PROM2: variants seen among roughly 807,000 people sequenced by gnomAD.
The protein encoded by PROM2 is prominin 2, also known as prominin-2.
Under a neutral mutation model 110.2 loss-of-function variants are expected in PROM2, and 90 were observed. The observed-to-expected ratio is 0.82, with a 90% CI of 0.69 to 0.97. The LOEUF (loss-of-function observed/expected upper bound fraction) is 0.97. PROM2 is among the 50% of genes least tolerant of loss of function. The pLI, the probability that PROM2 is intolerant of heterozygous loss-of-function variation, is 0.00. For synonymous variants in PROM2, 470 were observed against 467.8 expected, an observed-to-expected ratio of 1.00 and a Z score of -0.06; for missense variants, 1,009 against 1,074.8, an observed-to-expected ratio of 0.94 and a Z score of 0.86.
intron 14 of PROM2, 28 bp downstream of exon 14, chr2:95,282,254 G>A (rs1290874993): frequency 1.9e-6 from 3 of 1,574,398 alleles, no homozygotes; most frequent in African/African-American, 2.7e-5. Context: ...AAACTGTGAG[G>A]AGCCCTCCTC....
At chr2:95,279,250 C>T in intron 10 of PROM2, 106 bp downstream of exon 10, 1 of 858,234 alleles carries the variant, frequency 1.2e-6, no homozygotes. Context: ...CAGCCCCTGA[C>T]TGTACTGAGC....
At chr2:95,284,324 C>T (rs1244098613) in intron 14 of PROM2, among the ~76,000 whole-genome samples, 1 of 152,030 alleles carries the variant, frequency 6.6e-6, no homozygotes, top group Non-Finnish European at 1.5e-5. Context: ...GGGAGACCCT[C>T]CTCTACAATT....
Position 95,276,221 on chromosome 2 carries a change from C to T in PROM2, c.498-6C>T, listed in dbSNP as rs201100006. 1.1e-5 allele frequency: 17 copies of T among 1,613,966 alleles called. No homozygotes were observed. The highest frequency in any genetic ancestry group is 1.4e-5 in the Non-Finnish European group (17 of 1,180,014). Reference sequence around the variant, plus strand: ...AAGCACCTTCCTCCTCCCTCCATTCCCACAGGATTGGTGTGGTCTGTGCCT... The same window carrying T: ...AAGCACCTTCCTCCTCCCTCCATTCTCACAGGATTGGTGTGGTCTGTGCCT... On this transcript the variant is annotated splice_region_variant and splice_polypyrimidine_tract_variant and intron_variant, in intron 3 of 23. Transcript: ENST00000317620. The surrounding 1 kb of genome is among the most constrained non-coding windows in gnomAD (Gnocchi z 4.6).
At chr2:95,286,320 G>GC (rs1355948663) in intron 16 of PROM2, among the ~76,000 whole-genome samples, 159 bp from the exon 17 acceptor site, 2 of 152,016 alleles carry the variant, frequency 1.3e-5, no homozygotes, top group Non-Finnish European at 1.5e-5. Context: ...TTGGATCTAG[G>GC]CCCCCCAAAC....
At chr2:95,286,430 G>A (rs1398017812) in intron 16 of PROM2, 49 bp from the exon 17 acceptor site, 1 of 1,527,794 alleles carries the variant, frequency 6.5e-7, no homozygotes, top group South Asian at 1.1e-5. Flanking sequence ...GCTGGGTGAC[G>A]GGTAGATGGG....
In PROM2 at chr2:95,277,001, C is replaced by T. The variant is rs758709182; in HGVS notation, c.712C>T (p.His238Tyr). The change falls in exon 6 of 24, where the codon CAC (histidine) becomes TAC (tyrosine). Residue 238 changes from histidine (H) to tyrosine (Y), a missense_variant. His to Tyr is a moderately conservative substitution (Grantham distance 83). Transcript: ENST00000317620. Reference protein sequence around the residue: ...GVGVSIGSAIHTQLRSSVYPL... With the variant: ...GVGVSIGSAIYTQLRSSVYPL... ...TGGTGTGAGCATTGGGAGCGCGATC[C>T]ACACTCAGCTCAGGAGCTCCGTGTA... 2.6e-6 allele frequency: 4 copies of T among 1,547,960 alleles called. No homozygotes were observed. Among genetic ancestry groups the T allele is most frequent in the Middle Eastern group, 3.3e-4 (2 of 5,998 alleles).
intron 6 of PROM2, 143 bp from the exon 7 acceptor site, chr2:95,277,221 T>C: frequency 8.7e-7 from 1 of 1,145,670 alleles, no homozygotes; most frequent in Non-Finnish European, 1.2e-6. Flanking sequence ...CCTGGCTTAA[T>C]GTGCCCTGGG....
At chr2:95,288,144 T>G in intron 20 of PROM2, 67 bp from the exon 21 acceptor site, 1 of 1,513,278 alleles carries the variant, frequency 6.6e-7, no homozygotes, top group Admixed American at 1.7e-5. Context: ...TCTCCCTGAA[T>G]TGAATATGGG....
chr2:95,285,627 G>A lies in PROM2; in HGVS notation c.1876-12G>A. On this transcript the variant is annotated splice_polypyrimidine_tract_variant and intron_variant, in intron 15 of 23. Transcript: ENST00000317620. ...GGGTTCATCCCTCCTGGCCTCTTCTGTCCACCTGCAGATCCAGAGGCCCGT... is the reference window on the plus strand; with the variant it reads ...GGGTTCATCCCTCCTGGCCTCTTCTATCCACCTGCAGATCCAGAGGCCCGT... 2 of 1,586,494 alleles carry A rather than the reference G, an allele frequency of 1.3e-6. No homozygotes were observed. The highest frequency in any genetic ancestry group is 2.3e-5 in the South Asian group (2 of 86,850).
chr2:95,284,772 G>C (rs1310164673), intron 14 of PROM2, among the ~76,000 whole-genome samples, 197 bp from the exon 15 acceptor site: 1 of 152,202 alleles, frequency 6.6e-6, no homozygotes, highest in Non-Finnish European at 1.5e-5. Context: ...CATACGTGAG[G>C]GATCCGCCCC....
intron 23 of PROM2, 45 bp downstream of exon 23, chr2:95,289,051 A>AT: frequency 4.0e-6 from 3 of 751,232 alleles, no homozygotes; most frequent in Non-Finnish European, 4.4e-6. Context: ...CCAGGGATTA[A>AT]GGGAGTGGGG....
chr2:95,274,675 C>A lies in PROM2; in HGVS notation c.90C>A (p.Cys30Ter). 2 of 1,612,964 alleles carry A rather than the reference C, an allele frequency of 1.2e-6. No individual in the cohort carries two copies. The highest frequency in any genetic ancestry group is 1.7e-6 in the Non-Finnish European group (2 of 1,179,762). The change falls in exon 1 of 24, where the codon TGC (cysteine) becomes TGA (stop). Residue 30 changes from cysteine (C) to a stop codon, truncating the protein, a stop_gained. Coordinates refer to ENST00000317620, the MANE Select transcript of PROM2 (RefSeq NM_001165978.3). LOFTEE classifies it high-confidence loss of function. The stretch of plus-strand genomic sequence containing the variant: ...AGCTGGCTGCAGGGGCCACAGACTG[C>A]AAGTTCCTTGGCCCGGCAGAGCACC... ...LSQLAAGATD[C>*]KFLGPAEHLT... is the part of the protein sequence containing the mutation.
intron 1 of PROM2, 27 bp downstream of exon 1, chr2:95,274,856 C>G: frequency 6.6e-7 from 1 of 1,512,466 alleles, no homozygotes. Flanking sequence ...CCCATGAGGG[C>G]CTCAGCATTT....
chr2:95,278,719 AG>A lies in PROM2; in HGVS notation c.1051del. 6.2e-7 allele frequency: 1 copy of A among 1,614,090 alleles called. No individual in the cohort carries two copies. The highest frequency in any genetic ancestry group is 8.5e-7 in the Non-Finnish European group (1 of 1,180,028). ...AGGCCCAGCACTACTTGGTTCCTGCAGGAGAACAGCACCTTCAACGCCCTTC... is the reference window on the plus strand; with the variant it reads ...AGGCCCAGCACTACTTGGTTCCTGCAGAGAACAGCACCTTCAACGCCCTTC... On this transcript the variant is annotated splice_acceptor_variant, in intron 8 of 23. Transcript: ENST00000317620. LOFTEE classifies it high-confidence loss of function.
chr2:95,283,386 T>C (rs1366699604), intron 14 of PROM2, among the ~76,000 whole-genome samples: 1 of 152,246 alleles, frequency 6.6e-6, no homozygotes, highest in Non-Finnish European at 1.5e-5. Context: ...GTACCAAATG[T>C]GGCTGTAAGA....
At chr2:95,284,384 G>A (rs1013406307) in intron 14 of PROM2, among the ~76,000 whole-genome samples, 2 of 152,132 alleles carry the variant, frequency 1.3e-5, no homozygotes, top group South Asian at 2.1e-4. Context: ...CCAGCTACTC[G>A]AGAGGCTGAG....
intron 10 of PROM2, among the ~76,000 whole-genome samples, chr2:95,279,637 C>G (rs1558743918): frequency 6.6e-6 from 1 of 152,154 alleles, no homozygotes; most frequent in Non-Finnish European, 1.5e-5. Context: ...CTCCAGAGGC[C>G]TCCAAGTCCC....
At chr2:95,277,823 C>A in intron 7 of PROM2, 107 bp from the exon 8 acceptor site, 5 of 972,394 alleles carry the variant, frequency 5.1e-6, no homozygotes, top group Non-Finnish European at 8.0e-6. Context: ...TCATTTTACA[C>A]TTGAGGACAT....
chr2:95,282,087 T>C, intron 13 of PROM2, 55 bp from the exon 14 acceptor site: 1 of 1,597,940 alleles, frequency 6.3e-7, no homozygotes, highest in Non-Finnish European at 8.6e-7. Flanking sequence ...TCAGGGGACA[T>C]CAGCCCCCCC....
Sources: allele counts gnomAD v4.1 joint callset (sites outside exome capture counted in the v4.1 genomes callset), GRCh38; gene constraint gnomAD v4.1.1; non-coding constraint Gnocchi (gnomAD v3.1); transcripts MANE v1.5; gene names NCBI Gene and HGNC (gene_info 2026-07-23, HGNC 2026-07-21).